Variants in DDX21 observed in about 807,000 individuals in gnomAD.
The protein encoded by DDX21 is DExD-box helicase 21, also known as nucleolar RNA helicase 2.
DDX21 carries 18 observed loss-of-function variants against 90.0 expected under a neutral mutation model. The observed-to-expected ratio is 0.20, with a 90% CI of 0.14 to 0.30. The LOEUF (loss-of-function observed/expected upper bound fraction) is 0.30. DDX21 is among the 10% of genes least tolerant of loss of function. DDX21 has a pLI of 1.00. For missense variants in DDX21, 673 were observed against 944.5 expected, an observed-to-expected ratio of 0.71 and a Z score of 3.77; for synonymous variants, 294 against 318.0, an observed-to-expected ratio of 0.92 and a Z score of 0.80.
chr10:68,973,536 C>A lies in DDX21; in HGVS notation c.1549-9C>A. The A allele has an allele frequency of 6.2e-7, 1 of 1,613,910 alleles. No homozygotes were observed. The highest frequency in any genetic ancestry group is 1.3e-5 in the African/African-American group (1 of 74,996). On this transcript the variant is annotated splice_polypyrimidine_tract_variant and intron_variant, in intron 9 of 14. Coordinates refer to ENST00000354185, the MANE Select transcript of DDX21 (RefSeq NM_004728.4). ...GGTTTAGTGTTACTCATGTATTTTA[C>A]TTCAATAGGATGTAGAGTCCTACAT...
At chr10:68,979,327 A>C (rs1045632712) in intron 13 of DDX21, among the ~76,000 whole-genome samples, 4 of 152,114 alleles carry the variant, frequency 2.6e-5, no homozygotes, top group Non-Finnish European at 5.9e-5. Context: ...AAATGAAAAA[A>C]TTTGCCTCCC....
rs1410498757 is a variant in DDX21 at position 68,968,993 on chromosome 10, C to A, written c.1108C>A (p.Gln370Lys). The change falls in exon 7 of 15, where the codon CAA becomes AAA. Residue 370 changes from glutamine to lysine, a missense_variant. Coordinates refer to ENST00000354185, the MANE Select transcript of DDX21 (RefSeq NM_004728.4). ...AYKKDSEDNP[Q>K]TLLFSATCPH... Reference sequence around the variant, plus strand: ...CCTCAAAGATTCTGAAGACAATCCCCAAACATTGCTTTTTTCTGCAACTTG... The same window carrying A: ...CCTCAAAGATTCTGAAGACAATCCCAAAACATTGCTTTTTTCTGCAACTTG... 6.2e-7 allele frequency: 1 copy of A among 1,612,660 alleles called. No homozygotes were observed. Among genetic ancestry groups the A allele is most frequent in the Admixed American group, 1.7e-5 (1 of 59,538 alleles).
chr10:68,974,070 TC>T (rs1365834954), intron 10 of DDX21, among the ~76,000 whole-genome samples: 1 of 152,212 alleles, frequency 6.6e-6, no homozygotes, highest in Non-Finnish European at 1.5e-5. Context: ...CTCGTCTCCT[TC>T]CTCTTGAGTG....
intron 1 of DDX21, 160 bp downstream of exon 1, chr10:68,956,472 C>T (rs1357526953): frequency 1.4e-6 from 2 of 1,458,802 alleles, no homozygotes; most frequent in East Asian, 2.5e-5. Context: ...AGGAGTGGTG[C>T]GCTCCCCGGG....
chr10:68,976,264 G>A (rs1172843168), intron 11 of DDX21, among the ~76,000 whole-genome samples: 2 of 150,976 alleles, frequency 1.3e-5, no homozygotes, highest in East Asian at 3.9e-4. Context: ...AAGAAGACAG[G>A]GAAGGGAGGA....
rs1157529793 is a variant in DDX21 at position 68,969,006 on chromosome 10, T to C, written c.1121T>C (p.Phe374Ser). The C allele has an allele frequency of 5.0e-6, 8 of 1,613,940 alleles. No homozygotes were observed. Among genetic ancestry groups the C allele is most frequent in the Non-Finnish European group, 6.8e-6 (8 of 1,179,980 alleles). The change falls in exon 7 of 15, where the codon TTT (phenylalanine) becomes TCT (serine). Residue 374 changes from phenylalanine (F) to serine (S), a missense_variant. Around this residue, in one of 4 missense-constraint regions of DDX21, gnomAD observed 218 missense variants for 347.3 expected, o/e 0.63. Coordinates refer to ENST00000354185, the MANE Select transcript of DDX21 (RefSeq NM_004728.4). Reference protein sequence around the residue: ...DSEDNPQTLLFSATCPHWVFN... With the variant: ...DSEDNPQTLLSSATCPHWVFN... ...GAAGACAATCCCCAAACATTGCTTT[T>C]TTCTGCAACTTGCCCTCATTGGGTA...
intron 14 of DDX21, among the ~76,000 whole-genome samples, chr10:68,982,233 A>G (rs896504348): frequency 1.3e-5 from 2 of 152,174 alleles, no homozygotes; most frequent in African/African-American, 4.8e-5. Context: ...ATGTGTGCTT[A>G]ATATATTTGT....
intron 13 of DDX21, 139 bp downstream of exon 13, chr10:68,979,115 C>T: frequency 2.5e-6 from 3 of 1,223,534 alleles, no homozygotes; most frequent in Non-Finnish European, 3.4e-6. Flanking sequence ...CATCCGTGAT[C>T]CTCAGATGCC....
At chr10:68,975,372 T>G (rs1424966691) in intron 11 of DDX21, among the ~76,000 whole-genome samples, 1 of 152,156 alleles carries the variant, frequency 6.6e-6, no homozygotes, top group Non-Finnish European at 1.5e-5. Flanking sequence ...GGAAGGATAT[T>G]TAGCTGCTTA....
intron 1 of DDX21, among the ~76,000 whole-genome samples, chr10:68,958,108 C>T (rs909106888): frequency 1.3e-5 from 2 of 152,026 alleles, no homozygotes; most frequent in South Asian, 2.1e-4. Context: ...CATAAAGTGT[C>T]TCTTTATTTT....
chr10:68,958,244 G>A (rs1842826613), intron 1 of DDX21, among the ~76,000 whole-genome samples: 1 of 151,996 alleles, frequency 6.6e-6, no homozygotes, highest in Admixed American at 6.6e-5. Context: ...AAAGTGCTGG[G>A]ATTACAGGTG....
chr10:68,979,999 G>T (rs928435844), intron 13 of DDX21, among the ~76,000 whole-genome samples: 3 of 152,128 alleles, frequency 2.0e-5, no homozygotes, highest in African/African-American at 7.2e-5. Context: ...TCAGCACTTT[G>T]GGAGGCTGAG....
intron 12 of DDX21, 82 bp downstream of exon 12, chr10:68,977,770 G>T (rs1320283246): frequency 7.2e-7 from 1 of 1,384,604 alleles, no homozygotes; most frequent in Non-Finnish European, 9.7e-7. Context: ...AAGCTTCCCA[G>T]TTGTTTTCAT....
At chr10:68,957,014 C>G (rs1315767696) in intron 1 of DDX21, among the ~76,000 whole-genome samples, 1 of 151,030 alleles carries the variant, frequency 6.6e-6, no homozygotes, top group Non-Finnish European at 1.5e-5. Flanking sequence ...TGCACGTCAG[C>G]CTGGGCAACA....
intron 7 of DDX21, among the ~76,000 whole-genome samples, chr10:68,969,651 T>C (rs1842994462): frequency 6.6e-6 from 1 of 152,240 alleles, no homozygotes; most frequent in Non-Finnish European, 1.5e-5. Context: ...CTTAAATCTA[T>C]CTGAGTTATG....
At chr10:68,970,140 T>A in intron 7 of DDX21, 61 bp from the exon 8 acceptor site, 1 of 1,475,484 alleles carries the variant, frequency 6.8e-7, no homozygotes, top group East Asian at 2.3e-5. Flanking sequence ...GATCATTGTG[T>A]TGTGATTTTA....
rs771442440 is a variant in DDX21 at position 68,967,056 on chromosome 10, A to G, written c.943A>G (p.Thr315Ala). ...MRNGIDILVG[T>A]PGRIKDHIQN... is the part of the protein sequence containing the mutation. ...GAATGGGATTGATATCCTGGTTGGA[A>G]CACCAGGTCGTATCAAAGACCACAT... Residue 315 changes from threonine to alanine, a missense_variant, in exon 6 of 15, where the codon ACA (threonine) becomes GCA (alanine). Coordinates refer to ENST00000354185, the MANE Select transcript of DDX21 (RefSeq NM_004728.4). 6.2e-7 allele frequency: 1 copy of G among 1,611,624 alleles called. No homozygotes were observed.
chr10:68,977,969 A>C (rs1843128434), intron 12 of DDX21, among the ~76,000 whole-genome samples: 1 of 151,596 alleles, frequency 6.6e-6, no homozygotes, highest in Admixed American at 6.6e-5. Flanking sequence ...AAAAAAAATT[A>C]GCTGGGCGTG....
At chr10:68,970,065 C>G in intron 7 of DDX21, 136 bp from the exon 8 acceptor site, 1 of 761,134 alleles carries the variant, frequency 1.3e-6, no homozygotes, top group Non-Finnish European at 2.0e-6. Flanking sequence ...CTGCAGACAG[C>G]TCTTATCAGG....
Sources: allele counts gnomAD v4.1 joint callset (sites outside exome capture counted in the v4.1 genomes callset), GRCh38; gene constraint gnomAD v4.1.1; regional missense constraint gnomAD v4.1.1; transcripts MANE v1.5; gene names NCBI Gene and HGNC (gene_info 2026-07-23, HGNC 2026-07-21).